CKAP5: variants seen among roughly 807,000 people sequenced by gnomAD.
CKAP5 encodes the protein cytoskeleton associated protein 5.
In CKAP5, 27 loss-of-function variants were observed where a neutral mutation model predicts 232.8. That is an observed-to-expected ratio of 0.12 (90% confidence interval 0.09 to 0.16). The LOEUF is 0.16. Ranked by LOEUF, CKAP5 falls within the 10% of genes least tolerant of loss-of-function variation. CKAP5 has a pLI of 1.00. For synonymous variants in CKAP5, 785 were observed against 841.1 expected, an observed-to-expected ratio of 0.93 and a Z score of 1.16; for missense variants, 1,838 against 2,424.7, an observed-to-expected ratio of 0.76 and a Z score of 5.08.
intron 1 of CKAP5, among the ~76,000 whole-genome samples, chr11:46,830,462 A>AG (rs1939763583): frequency 6.6e-6 from 1 of 151,112 alleles, no homozygotes; most frequent in South Asian, 2.1e-4. Context: ...AAAAAAAAAA[A>AG]AATTAGAATA....
At chr11:46,772,733 C>CT (rs139098308) in intron 24 of CKAP5, among the ~76,000 whole-genome samples, 20,630 of 145,424 alleles carry the variant, frequency 0.14, 2,287 homozygotes, top group East Asian at 0.6. Flanking sequence ...AGTGATTCCT[C>CT]TTTTTTTTTT....
chr11:46,778,641 G>A lies in CKAP5; in HGVS notation c.2434-42C>T, dbSNP rs2065312439. On this transcript the variant is annotated intron_variant, in intron 20 of 43. Coordinates refer to ENST00000529230, the MANE Select transcript of CKAP5 (RefSeq NM_001008938.4). ...GAGTAAGGCTAATGAAATTTATATAGGATATGGGAACAAACAAATTAGAGA... is the reference window on the plus strand; with the variant it reads ...GAGTAAGGCTAATGAAATTTATATAAGATATGGGAACAAACAAATTAGAGA... 3 of 1,569,356 alleles carry A rather than the reference G, an allele frequency of 1.9e-6. No homozygotes were observed. The African/African-American group carries it at 4.1e-5, about 21-fold the overall frequency.
chr11:46,801,122 T>TG, intron 9 of CKAP5, 78 bp downstream of exon 9: 1 of 1,006,638 alleles, frequency 9.9e-7, no homozygotes. Context: ...AAGGAGTTGT[T>TG]TTAAAGCAAA....
chr11:46,768,455 G>T (rs926343441), intron 26 of CKAP5, among the ~76,000 whole-genome samples: 5 of 151,978 alleles, frequency 3.3e-5, no homozygotes, highest in Admixed American at 3.3e-4. Flanking sequence ...GGAATTACAG[G>T]CGTGAGCCAC....
Position 46,770,832 on chromosome 11 carries a change from G to T in CKAP5, c.3142C>A (p.His1048Asn). 1 of 1,614,112 alleles carries T rather than the reference G, an allele frequency of 6.2e-7. No individual in the cohort carries two copies. The highest frequency in any genetic ancestry group is 1.1e-5 in the South Asian group (1 of 91,082). Reference protein sequence around the residue: ...AQDALPFFMMHLGYEKMAKAT... With the variant: ...AQDALPFFMMNLGYEKMAKAT... Reference sequence around the variant, plus strand: ...TTGGCCATTTTTTCATATCCTAAATGCATCATGAAGAATGGCAAGGCATCT... The same window carrying T: ...TTGGCCATTTTTTCATATCCTAAATTCATCATGAAGAATGGCAAGGCATCT... The change falls in exon 25 of 44, where the codon CAT becomes AAT. Residue 1048 changes from histidine (H) to asparagine (N), a missense_variant. Physicochemically the swap from His to Asn is moderately conservative, Grantham distance 68 (BLOSUM62 1). Coordinates refer to ENST00000529230, the MANE Select transcript of CKAP5 (RefSeq NM_001008938.4).
chr11:46,844,303 C>A (rs1226392542), intron 1 of CKAP5, among the ~76,000 whole-genome samples: 1 of 151,794 alleles, frequency 6.6e-6, no homozygotes, highest in African/African-American at 2.4e-5. Context: ...TATTCAAACA[C>A]ACTTCATATG....
Position 46,745,257 on chromosome 11 carries a change from G to A in CKAP5, c.5705-680C>T, listed in dbSNP as rs1485436559. The stretch of plus-strand genomic sequence containing the variant: ...GCAAATGCATTCCACAGGCCCCAAA[G>A]GTAAGGTACTGGGAGGAAACACTGC... On this transcript the variant is annotated intron_variant, in intron 42 of 43. Transcript: ENST00000529230. 3.9e-5 allele frequency among the ~76,000 whole-genome samples: 6 copies of A among 152,114 alleles called. 1 individual carries two copies. Among genetic ancestry groups the A allele is most frequent in the Admixed American group, 2.6e-4 (4 of 15,268 alleles).
At chr11:46,766,393 A>G (rs890226030) in intron 27 of CKAP5, among the ~76,000 whole-genome samples, 1 of 152,258 alleles carries the variant, frequency 6.6e-6, no homozygotes, top group African/African-American at 2.4e-5. Flanking sequence ...AGACAGGAAA[A>G]GAACAACGTC....
At chr11:46,745,827 C>G (rs1322880285) in intron 42 of CKAP5, among the ~76,000 whole-genome samples, 3 of 151,958 alleles carry the variant, frequency 2.0e-5, no homozygotes, top group Non-Finnish European at 4.4e-5. Context: ...TGGCACACAC[C>G]TATAATCCCA....
intron 33 of CKAP5, 50 bp downstream of exon 33, chr11:46,760,562 A>G (rs771250319): frequency 2.5e-6 from 4 of 1,579,218 alleles, no homozygotes; most frequent in Non-Finnish European, 3.5e-6. Context: ...GTGAGCACAC[A>G]AGGCAAAGGC....
At chr11:46,764,117 C>T (rs1463572084) in intron 28 of CKAP5, among the ~76,000 whole-genome samples, 1 of 151,734 alleles carries the variant, frequency 6.6e-6, no homozygotes, top group African/African-American at 2.4e-5. Flanking sequence ...GGATGACAGG[C>T]ATGAGCCACT....
chr11:46,819,648 G>C (rs1467386355), intron 2 of CKAP5, among the ~76,000 whole-genome samples: 1 of 152,090 alleles, frequency 6.6e-6, no homozygotes, highest in African/African-American at 2.4e-5. Flanking sequence ...AAGTAAAAAT[G>C]TAATTGAAAA....
At chr11:46,846,059 G>A (rs767052416) in intron 1 of CKAP5, among the ~76,000 whole-genome samples, 161 bp downstream of exon 1, 1 of 151,850 alleles carries the variant, frequency 6.6e-6, no homozygotes, top group South Asian at 2.1e-4. Context: ...CAGGTCCCCC[G>A]GCCTCCGGCT....
intron 12 of CKAP5, 65 bp from the exon 13 acceptor site, chr11:46,795,841 A>C: frequency 7.6e-6 from 10 of 1,324,226 alleles, no homozygotes; most frequent in Non-Finnish European, 9.6e-6. Flanking sequence ...CTACGTTATT[A>C]CATTTCTAAA....
Position 46,761,991 on chromosome 11 carries a change from G to C in CKAP5, c.4221+9C>G, listed in dbSNP as rs1453113930. On this transcript the variant is annotated intron_variant, in intron 32 of 43. Coordinates refer to ENST00000529230, the MANE Select transcript of CKAP5 (RefSeq NM_001008938.4). Reference sequence around the variant, plus strand: ...CGACATGCTGACAGTGTTCAGAGAAGTCACTCACATTTCCAATCAGTTTGA... The same window carrying C: ...CGACATGCTGACAGTGTTCAGAGAACTCACTCACATTTCCAATCAGTTTGA... 1.2e-6 allele frequency: 2 copies of C among 1,601,496 alleles called. No individual in the cohort carries two copies. Among genetic ancestry groups the C allele is most frequent in the Admixed American group, 3.4e-5 (2 of 59,542 alleles).
At chr11:46,756,156 A>G (rs993703015) in intron 35 of CKAP5, among the ~76,000 whole-genome samples, 9 of 152,322 alleles carry the variant, frequency 5.9e-5, no homozygotes, top group Non-Finnish European at 1.0e-4. Flanking sequence ...GGCATTGTTT[A>G]TATCTAATCT....
At chr11:46,762,936 GGAACTTAA>G in intron 30 of CKAP5, 32 bp downstream of exon 30, 1 of 1,561,638 alleles carries the variant, frequency 6.4e-7, no homozygotes, top group Non-Finnish European at 8.8e-7. Flanking sequence ...AGGTCAGCTG[GGAACTTAA>G]GCAGTCTCCC....
chr11:46,753,496 A>T lies in CKAP5; in HGVS notation c.4871T>A (p.Leu1624Gln). 6.2e-7 allele frequency: 1 copy of T among 1,607,836 alleles called. No individual in the cohort carries two copies. Among genetic ancestry groups the T allele is most frequent in the Non-Finnish European group, 8.5e-7 (1 of 1,177,344 alleles). Residue 1624 changes from leucine to glutamine, a missense_variant and splice_region_variant, in exon 37 of 44, where the codon CTG becomes CAG. Transcript: ENST00000529230. ...CCGGGCAAGGCTCTCTATCTGAAAC[A>T]GCTATCCAGACATACTTGTGTCAGG... Reference protein sequence around the residue: ...YSCIIGNMISLFQIESLAREA... With the variant: ...YSCIIGNMISQFQIESLAREA...
At chr11:46,753,096 C>A in intron 37 of CKAP5, 1 of 465,730 alleles carries the variant, frequency 2.1e-6, no homozygotes, top group South Asian at 4.8e-5. Context: ...ACCTTTGGTC[C>A]ATGATGAAGA....
Sources: gnomAD v4.1 joint callset for allele counts (sites outside exome capture counted in the v4.1 genomes callset) on GRCh38, gnomAD v4.1.1 for gene constraint, MANE v1.5 for transcripts, NCBI Gene and HGNC (gene_info 2026-07-23, HGNC 2026-07-21) for gene names.